The following ENTHD1 variants were observed in gnomAD, a reference collection of about 807,000 sequenced individuals.
ENTHD1 encodes ENTH domain-containing protein 1.
ENTHD1 carries 23 observed loss-of-function variants against 39.1 expected under a neutral mutation model. The observed-to-expected ratio is 0.59, with a 90% CI of 0.42 to 0.83. ENTHD1 has a LOEUF of 0.83. ENTHD1 is among the 40% of genes least tolerant of loss of function. The pLI, the probability that ENTHD1 is intolerant of heterozygous loss-of-function variation, is 0.00. For missense variants in ENTHD1, 624 were observed against 705.4 expected (o/e 0.88, Z 1.31); for synonymous variants, 230 against 258.2 (o/e 0.89, Z 1.05).
chr22:39,791,213 TTAGAC>T (rs1299018530), intron 5 of ENTHD1, among the ~76,000 whole-genome samples: 2 of 147,866 alleles, frequency 1.4e-5, no homozygotes, highest in African/African-American at 2.5e-5. Flanking sequence ...TCTAATATCT[TTAGAC>T]TATATATTTA....
chr22:39,771,230 A>G (rs1395819908), intron 5 of ENTHD1, among the ~76,000 whole-genome samples: 1 of 152,238 alleles, frequency 6.6e-6, no homozygotes, highest in Admixed American at 6.5e-5. Context: ...AAAAATGTAA[A>G]GAAACCAATA....
intron 5 of ENTHD1, among the ~76,000 whole-genome samples, chr22:39,797,305 CCATT>C (rs1435804501): frequency 2.6e-5 from 4 of 152,136 alleles, no homozygotes; most frequent in African/African-American, 7.2e-5. Flanking sequence ...TTTTAAACAT[CCATT>C]CATTCAGTCA....
intron 6 of ENTHD1, among the ~76,000 whole-genome samples, chr22:39,746,636 T>C (rs2065107769): frequency 6.6e-6 from 1 of 152,226 alleles, no homozygotes; most frequent in Non-Finnish European, 1.5e-5. Context: ...GAACCACTAA[T>C]ATCAGTATCT....
chr22:39,853,536 AAAC>A (rs1166879928), intron 3 of ENTHD1, among the ~76,000 whole-genome samples: 4 of 152,060 alleles, frequency 2.6e-5, no homozygotes, highest in Non-Finnish European at 5.9e-5. Context: ...GTCTCAAAAC[AAAC>A]AACAACAAAA....
intron 6 of ENTHD1, 93 bp downstream of exon 6, chr22:39,765,130 C>A: frequency 7.0e-7 from 1 of 1,434,660 alleles, no homozygotes; most frequent in Non-Finnish European, 9.1e-7. Flanking sequence ...AAAAAGGAGA[C>A]AGAAAGCAGA....
At chr22:39,745,284 C>T (rs73888163) in intron 6 of ENTHD1, among the ~76,000 whole-genome samples, 1,700 of 152,206 alleles carry the variant, frequency 0.011, 39 homozygotes, top group African/African-American at 0.038. Context: ...CTCTTTGCAA[C>T]GAACTCTGAA....
At chr22:39,764,198 A>G (rs76309762) in intron 6 of ENTHD1, among the ~76,000 whole-genome samples, 2,947 of 152,226 alleles carry the variant, frequency 0.019, 103 homozygotes, top group African/African-American at 0.067. Context: ...TATTGGCCAG[A>G]CACAGTGGAT....
intron 6 of ENTHD1, among the ~76,000 whole-genome samples, chr22:39,763,623 T>C (rs886304636): frequency 5.9e-5 from 9 of 152,220 alleles, no homozygotes; most frequent in African/African-American, 1.9e-4. Context: ...TAACCTATTA[T>C]GTATTTTCTA....
chr22:39,840,122 C>G (rs1245500776), intron 3 of ENTHD1, among the ~76,000 whole-genome samples: 1 of 152,160 alleles, frequency 6.6e-6, no homozygotes, highest in African/African-American at 2.4e-5. Flanking sequence ...CTTATAGTTC[C>G]TTAGTGGAAA....
intron 5 of ENTHD1, among the ~76,000 whole-genome samples, chr22:39,788,962 G>T (rs2065481861): frequency 1.3e-5 from 2 of 152,180 alleles, no homozygotes; most frequent in Non-Finnish European, 1.5e-5. Flanking sequence ...GTAGACTGTA[G>T]TATGGTGTAA....
chr22:39,848,308 C>T (rs1203381760), intron 3 of ENTHD1, among the ~76,000 whole-genome samples: 2 of 150,712 alleles, frequency 1.3e-5, no homozygotes, highest in African/African-American at 2.4e-5. Flanking sequence ...GGCTGGAGTG[C>T]AGTGGCACAA....
chr22:39,768,256 G>C (rs2065294106), intron 5 of ENTHD1, among the ~76,000 whole-genome samples: 1 of 152,054 alleles, frequency 6.6e-6, no homozygotes, highest in African/African-American at 2.4e-5. Flanking sequence ...TTGTGTCAGT[G>C]AGAAAGTCCA....
intron 5 of ENTHD1, among the ~76,000 whole-genome samples, chr22:39,810,947 C>T (rs1432145530): frequency 1.3e-5 from 2 of 152,172 alleles, no homozygotes; most frequent in East Asian, 3.8e-4. Context: ...CAAGAGGGAC[C>T]TTAAATCTCT....
chr22:39,871,253 T>C (rs1435555857), intron 2 of ENTHD1, among the ~76,000 whole-genome samples: 2 of 151,684 alleles, frequency 1.3e-5, no homozygotes, highest in Non-Finnish European at 2.9e-5. Flanking sequence ...TGAATGGAGC[T>C]TTATTTGAAC....
chr22:39,761,365 G>A (rs2065231638), intron 6 of ENTHD1, among the ~76,000 whole-genome samples: 1 of 152,130 alleles, frequency 6.6e-6, no homozygotes, highest in Admixed American at 6.5e-5. Context: ...TCAAGATTTT[G>A]TCTCTGGAAT....
chr22:39,844,941 G>A (rs556058537), intron 3 of ENTHD1, among the ~76,000 whole-genome samples: 2 of 152,166 alleles, frequency 1.3e-5, no homozygotes, highest in Non-Finnish European at 2.9e-5. Flanking sequence ...TCCCCCACAG[G>A]AATAGGATAC....
chr22:39,752,416 G>A (rs866941706), intron 6 of ENTHD1, among the ~76,000 whole-genome samples: 12 of 152,114 alleles, frequency 7.9e-5, no homozygotes, highest in South Asian at 2.1e-4. Flanking sequence ...AGAAGAATGG[G>A]GAGTGACTGC....
chr22:39,816,357 C>T (rs1413912865), intron 5 of ENTHD1, among the ~76,000 whole-genome samples: 1 of 152,080 alleles, frequency 6.6e-6, no homozygotes, highest in African/African-American at 2.4e-5. Context: ...AAAATAACGC[C>T]ATTTCATCAT....
At chr22:39,819,308 T>A (rs910104524) in intron 5 of ENTHD1, among the ~76,000 whole-genome samples, 8 of 151,264 alleles carry the variant, frequency 5.3e-5, no homozygotes, top group African/African-American at 1.9e-4. Flanking sequence ...GAAGGTGCGG[T>A]GAGCCGAGAT....
Sources: allele counts gnomAD v4.1 joint callset (sites outside exome capture counted in the v4.1 genomes callset), GRCh38; gene constraint gnomAD v4.1.1; transcripts MANE v1.5; gene names NCBI Gene and HGNC (gene_info 2026-07-23, HGNC 2026-07-21).